Variants in ADCY10 observed in about 807,000 individuals in gnomAD.
ADCY10 encodes the protein adenylate cyclase type 10.
A neutral mutation model predicts 183.3 loss-of-function variants in ADCY10; 156 were observed. That is an observed-to-expected ratio of 0.85 (90% confidence interval 0.75 to 0.97). ADCY10 has a LOEUF of 0.97. ADCY10 is among the 50% of genes least tolerant of loss of function. ADCY10 has a pLI of 0.00. For synonymous variants in ADCY10, 645 were observed against 670.0 expected (o/e 0.96, Z 0.58); for missense variants, 1,745 against 1,934.3 (o/e 0.90, Z 1.84).
At chr1:167,902,602 T>C (rs1016619908) in intron 3 of ADCY10, among the ~76,000 whole-genome samples, 3 of 152,252 alleles carry the variant, frequency 2.0e-5, no homozygotes, top group Non-Finnish European at 4.4e-5. Flanking sequence ...AAGCACCTGT[T>C]GTGCCAAGTC....
At chr1:167,835,517 C>T (rs1266376469) in intron 23 of ADCY10, among the ~76,000 whole-genome samples, 1 of 152,144 alleles carries the variant, frequency 6.6e-6, no homozygotes, top group Non-Finnish European at 1.5e-5. Flanking sequence ...CTTTGGTGGT[C>T]TAATGGTATG....
chr1:167,893,315 G>A (rs1001530802), intron 8 of ADCY10, among the ~76,000 whole-genome samples: 4 of 152,150 alleles, frequency 2.6e-5, no homozygotes, highest in African/African-American at 4.8e-5. Context: ...ATAAGGCAAC[G>A]CAGTCCTATT....
At chr1:167,865,452 T>C (rs1666611982) in intron 14 of ADCY10, among the ~76,000 whole-genome samples, 1 of 152,212 alleles carries the variant, frequency 6.6e-6, no homozygotes, top group Non-Finnish European at 1.5e-5. Context: ...CTGTAAAAAC[T>C]TACCTTATGG....
intron 21 of ADCY10, among the ~76,000 whole-genome samples, chr1:167,843,772 C>T (rs910834894): frequency 2.0e-5 from 3 of 152,176 alleles, no homozygotes; most frequent in Non-Finnish European, 2.9e-5. Context: ...AGGCATGAGG[C>T]AGGCCCCAGT....
At chr1:167,825,468 T>C (rs901824122) in intron 26 of ADCY10, among the ~76,000 whole-genome samples, 1 of 151,890 alleles carries the variant, frequency 6.6e-6, no homozygotes, top group Non-Finnish European at 1.5e-5. Flanking sequence ...CTGGGCACAA[T>C]AGTGAGACCC....
At position 167,893,913 on chromosome 1, in the gene ADCY10, C is replaced by T. The variant is rs1668776680; in HGVS notation, c.768G>A (p.Lys256=). 1 of 1,613,432 alleles carries T rather than the reference C, an allele frequency of 6.2e-7. No individual in the cohort carries two copies. The highest frequency in any genetic ancestry group is 1.3e-5 in the African/African-American group (1 of 74,830). The change falls in exon 8 of 33, where the codon AAG becomes AAA. Residue 256 remains lysine, a synonymous_variant. Transcript: ENST00000367851. ...GGGACATCTCCAGTTCAGGATCAGGCTTCAGCGTGCATGCAAGCCTCAGGA... is the reference window on the plus strand; with the variant it reads ...GGGACATCTCCAGTTCAGGATCAGGTTTCAGCGTGCATGCAAGCCTCAGGA... ...KNLLRLACTL[K]PDPELEMSLQ...
chr1:167,879,646 T>A (rs1454925653), intron 11 of ADCY10, among the ~76,000 whole-genome samples: 1 of 152,172 alleles, frequency 6.6e-6, no homozygotes. Context: ...GTATTTTAGA[T>A]GCATTATTGC....
Position 167,857,359 on chromosome 1 carries a change from CACCAAAT to C in ADCY10, c.1897-927_1897-921del, listed in dbSNP as rs1219482950. The stretch of plus-strand genomic sequence containing the variant: ...GTCTACTCCTGCAGCCCCGTTCTGT[CACCAAAT>C]ACTTAGCCCTTTGACTAGCCCTGAG... On this transcript the variant is annotated intron_variant, in intron 16 of 32. Transcript: ENST00000367851. Among the ~76,000 whole-genome samples the C allele has an allele frequency of 2.6e-5, 4 of 152,216 alleles. 1 individual carries two copies. The highest frequency in any genetic ancestry group is 9.7e-5 in the African/African-American group (4 of 41,444).
chr1:167,818,924 A>C (rs1480550628), intron 30 of ADCY10, among the ~76,000 whole-genome samples: 1 of 152,132 alleles, frequency 6.6e-6, no homozygotes, highest in Non-Finnish European at 1.5e-5. Flanking sequence ...TCCAATACCA[A>C]AGAGAGATGA....
chr1:167,814,969 A>T (rs932880089), intron 31 of ADCY10, among the ~76,000 whole-genome samples: 1 of 152,142 alleles, frequency 6.6e-6, no homozygotes, highest in Non-Finnish European at 1.5e-5. Flanking sequence ...CTACAAAAAT[A>T]CAAAAATTAG....
chr1:167,833,555 G>A (rs926884430), intron 24 of ADCY10, among the ~76,000 whole-genome samples: 2 of 152,274 alleles, frequency 1.3e-5, no homozygotes, highest in South Asian at 2.1e-4. Flanking sequence ...AGACCAGCCT[G>A]GCCAACATGG....
intron 9 of ADCY10, 23 bp downstream of exon 9, chr1:167,883,414 C>T (rs748767600): frequency 5.6e-6 from 9 of 1,610,956 alleles, no homozygotes; most frequent in East Asian, 2.2e-5. Flanking sequence ...TTGGTAGGTT[C>T]CCATCCCATA....
Position 167,833,050 on chromosome 1 carries a change from T to C in ADCY10, c.3530A>G (p.His1177Arg). Residue 1177 changes from histidine (H) to arginine (R), a missense_variant, in exon 25 of 33, where the codon CAT (histidine) becomes CGT (arginine). Transcript: ENST00000367851. ...YNLISLFLHI[H>R]VEKNRHFHYV... ...ATGAAAGTGTCTGTTTTTCTCGACA[T>C]GGATATGGAGAAACAAGGAGATTAA... The C allele has an allele frequency of 1.1e-5, 18 of 1,614,164 alleles. No homozygotes were observed. The highest frequency in any genetic ancestry group is 1.5e-5 in the Non-Finnish European group (18 of 1,180,024).
At chr1:167,834,459 C>T (rs189208779) in intron 23 of ADCY10, 31 of 292,064 alleles carry the variant, frequency 1.1e-4, no homozygotes, top group African/African-American at 6.4e-4. Context: ...TGAACAGCAT[C>T]CCCACATCTG....
chr1:167,851,340 C>T (rs1438844527), intron 18 of ADCY10, among the ~76,000 whole-genome samples: 2 of 152,014 alleles, frequency 1.3e-5, no homozygotes, highest in Non-Finnish European at 2.9e-5. Context: ...GCGTGCGACA[C>T]CACACCCGGC....
chr1:167,844,223 A>T (rs913715930), intron 21 of ADCY10, among the ~76,000 whole-genome samples: 1 of 152,266 alleles, frequency 6.6e-6, no homozygotes, highest in Admixed American at 6.5e-5. Context: ...TGCCCAGTGC[A>T]GATGAGACTA....
chr1:167,858,917 G>C (rs1406705359), intron 16 of ADCY10, among the ~76,000 whole-genome samples: 1 of 152,164 alleles, frequency 6.6e-6, no homozygotes, highest in Non-Finnish European at 1.5e-5. Flanking sequence ...ATAAGAGCCT[G>C]AACTATGGCA....
chr1:167,860,281 T>C (rs2102045389), intron 15 of ADCY10, among the ~76,000 whole-genome samples: 1 of 152,258 alleles, frequency 6.6e-6, no homozygotes. Context: ...CATCAGGCAT[T>C]AGATTCTCAT....
At chr1:167,881,508 G>T (rs1667866801) in intron 9 of ADCY10, among the ~76,000 whole-genome samples, 1 of 152,234 alleles carries the variant, frequency 6.6e-6, no homozygotes, top group African/African-American at 2.4e-5. Context: ...CTAGGTACGT[G>T]CAAAGAGGGC....
Sources: allele counts gnomAD v4.1 joint callset (sites outside exome capture counted in the v4.1 genomes callset), GRCh38; gene constraint gnomAD v4.1.1; transcripts MANE v1.5; gene names NCBI Gene and HGNC (gene_info 2026-07-23, HGNC 2026-07-21).